Variants in THSD7A observed in about 807,000 individuals in gnomAD.
THSD7A encodes thrombospondin type 1 domain containing 7A.
A neutral mutation model predicts 231.3 loss-of-function variants in THSD7A; 96 were observed. The ratio of observed to expected loss-of-function variants is 0.41; its 90% CI spans 0.35 to 0.49. The LOEUF (loss-of-function observed/expected upper bound fraction) is 0.49, where lower values mean the gene tolerates loss of function less well. THSD7A is among the 20% of genes least tolerant of loss of function. The pLI, the probability that THSD7A is intolerant of heterozygous loss-of-function variation, is 0.05. For synonymous variants in THSD7A, 940 were observed against 743.3 expected (o/e 1.26, Z -4.30); for missense variants, 2,290 against 2,070.2 (o/e 1.11, Z -2.06).
chr7:11,422,127 C>T (rs1784165671), intron 16 of THSD7A, among the ~76,000 whole-genome samples: 1 of 152,168 alleles, frequency 6.6e-6, no homozygotes, highest in South Asian at 2.1e-4. Context: ...GGTAATAAGA[C>T]AGTGTATTTT....
chr7:11,749,790 T>C (rs1175799192), intron 1 of THSD7A, among the ~76,000 whole-genome samples: 1 of 152,006 alleles, frequency 6.6e-6, no homozygotes, highest in Non-Finnish European at 1.5e-5. Flanking sequence ...GAGTAATGAA[T>C]GCCTGTGGTT....
At chr7:11,821,186 G>A (rs542393547) in intron 1 of THSD7A, 158 of 1,163,220 alleles carry the variant, frequency 1.4e-4, no homozygotes, top group Non-Finnish European at 1.9e-4. Flanking sequence ...GACCCAAAGT[G>A]ATGCTCTTTA....
At chr7:11,454,507 G>C (rs1303246131) in intron 11 of THSD7A, among the ~76,000 whole-genome samples, 1 of 151,178 alleles carries the variant, frequency 6.6e-6, no homozygotes, top group Non-Finnish European at 1.5e-5. Context: ...CTTTTTGCTT[G>C]AGTCATCCTA....
At chr7:11,379,342 C>CTGACT in intron 25 of THSD7A, 62 bp from the exon 26 acceptor site, 2 of 1,540,218 alleles carry the variant, frequency 1.3e-6, no homozygotes, top group Non-Finnish European at 1.8e-6. Context: ...TCTAACAGAC[C>CTGACT]TGACTTGAAG....
intron 2 of THSD7A, among the ~76,000 whole-genome samples, chr7:11,611,835 C>CATCT (rs1234828195): frequency 4.6e-4 from 62 of 136,014 alleles, no homozygotes; most frequent in Admixed American, 1.2e-3. Context: ...CACACACTAT[C>CATCT]ATCTGTCTAT....
At chr7:11,625,205 T>C (rs567198730) in intron 2 of THSD7A, among the ~76,000 whole-genome samples, 21 of 152,252 alleles carry the variant, frequency 1.4e-4, no homozygotes, top group African/African-American at 5.1e-4. Context: ...ATGTAGTCTT[T>C]TGAAATCTTA....
intron 1 of THSD7A, among the ~76,000 whole-genome samples, chr7:11,693,774 G>A (rs991760758): frequency 1.3e-5 from 2 of 151,444 alleles, no homozygotes; most frequent in African/African-American, 4.8e-5. Context: ...GCATGCAGCA[G>A]GTGCATGTAC....
intron 6 of THSD7A, among the ~76,000 whole-genome samples, chr7:11,515,841 T>C (rs184416908): frequency 0.012 from 1,805 of 152,238 alleles, 20 homozygotes; most frequent in Non-Finnish European, 0.015. Flanking sequence ...AGCTCACAAG[T>C]TACTGAGAAG....
chr7:11,525,753 CTTAT>C (rs1483953317), intron 6 of THSD7A, among the ~76,000 whole-genome samples: 5 of 152,130 alleles, frequency 3.3e-5, no homozygotes, highest in East Asian at 1.9e-4. Flanking sequence ...GACTTCTATT[CTTAT>C]TTATTTGCTA....
intron 1 of THSD7A, among the ~76,000 whole-genome samples, chr7:11,650,324 C>A (rs1481637220): frequency 6.6e-6 from 1 of 151,952 alleles, no homozygotes; most frequent in Non-Finnish European, 1.5e-5. Flanking sequence ...ATCTTTGATG[C>A]AACAATAATT....
chr7:11,641,368 A>G (rs1584131438), intron 1 of THSD7A, among the ~76,000 whole-genome samples: 2 of 152,240 alleles, frequency 1.3e-5, no homozygotes, highest in Middle Eastern at 6.8e-3. Flanking sequence ...AGATCTTAAT[A>G]TCCCAGGCAT....
intron 1 of THSD7A, among the ~76,000 whole-genome samples, chr7:11,671,411 C>A (rs1177343596): frequency 4.6e-5 from 7 of 152,126 alleles, no homozygotes. Context: ...GTAGGCATAG[C>A]AGTTAAATGA....
At chr7:11,701,179 A>AGT (rs34791405) in intron 1 of THSD7A, among the ~76,000 whole-genome samples, 4,533 of 150,388 alleles carry the variant, frequency 0.03, 213 homozygotes, top group African/African-American at 0.096. Context: ...AAAAAACACA[A>AGT]GTGTGTGTGT....
At chr7:11,804,128 T>A (rs1410921771) in intron 1 of THSD7A, among the ~76,000 whole-genome samples, 1 of 152,168 alleles carries the variant, frequency 6.6e-6, no homozygotes, top group Admixed American at 6.5e-5. Flanking sequence ...TTACAACATA[T>A]CTTTTGCCTT....
chr7:11,786,213 C>T (rs7782151), intron 1 of THSD7A, among the ~76,000 whole-genome samples: 120,717 of 152,038 alleles, frequency 0.79, 48,394 homozygotes, highest in African/African-American at 0.89. Flanking sequence ...ATACGAAAAC[C>T]ATCACTAACC....
At chr7:11,460,580 T>A in intron 11 of THSD7A, 82 bp downstream of exon 11, 1 of 1,064,108 alleles carries the variant, frequency 9.4e-7, no homozygotes, top group South Asian at 1.5e-5. Context: ...TTGCTAAGCA[T>A]GGTGTCCAAG....
intron 2 of THSD7A, among the ~76,000 whole-genome samples, chr7:11,620,127 A>G (rs1378724031): frequency 1.3e-5 from 2 of 152,194 alleles, no homozygotes; most frequent in Non-Finnish European, 2.9e-5. Context: ...TTCTTACTTC[A>G]CATCTTTCCT....
Position 11,379,136 on chromosome 7 carries a change from G to C in THSD7A, c.4735C>G (p.Pro1579Ala). 1 of 1,613,640 alleles carries C rather than the reference G, an allele frequency of 6.2e-7. No homozygotes were observed. Among genetic ancestry groups the C allele is most frequent in the Non-Finnish European group, 8.5e-7 (1 of 1,179,688 alleles). ...GDVKTSRAVH[P>A]TQPSSNPAGR... ...GCTGGGTTACTGGAGGGTTGGGTTG[G>C]ATGTACAGCCCGACTGGTTTTCACA... is the stretch of plus-strand genomic sequence containing the variant. The change falls in exon 26 of 28, where the codon CCA becomes GCA. Residue 1579 changes from proline (P) to alanine (A), a missense_variant. Coordinates refer to ENST00000423059, the MANE Select transcript of THSD7A (RefSeq NM_015204.3).
rs1781902789 is a variant in THSD7A at position 11,637,257 on chromosome 7, C to A, written c.191-296G>T. Among the ~76,000 whole-genome samples the A allele has an allele frequency of 6.6e-6, 1 of 152,142 alleles. No homozygotes were observed. The highest frequency in any genetic ancestry group is 2.4e-5 in the African/African-American group (1 of 41,442). On this transcript the variant is annotated intron_variant, in intron 1 of 27. Coordinates refer to ENST00000423059, the MANE Select transcript of THSD7A (RefSeq NM_015204.3). The surrounding 1 kb of genome is among the most constrained non-coding windows in gnomAD (Gnocchi z 4.2). ...TCCTTTGTTTTAGGTAGTTAGAAATCCTTGCTGATAAAGGACATCAGAAAT... is the reference window on the plus strand; with the variant it reads ...TCCTTTGTTTTAGGTAGTTAGAAATACTTGCTGATAAAGGACATCAGAAAT...
Sources: allele counts gnomAD v4.1 joint callset (sites outside exome capture counted in the v4.1 genomes callset), GRCh38; gene constraint gnomAD v4.1.1; non-coding constraint Gnocchi (gnomAD v3.1); transcripts MANE v1.5; gene names NCBI Gene and HGNC (gene_info 2026-07-23, HGNC 2026-07-21).